Variants in SGCG observed in about 807,000 individuals in gnomAD.
SGCG encodes gamma-sarcoglycan.
A neutral mutation model predicts 29.3 loss-of-function variants in SGCG; 26 were observed. The observed-to-expected ratio is 0.89, with a 90% CI of 0.65 to 1.23. The LOEUF is 1.23. SGCG is among the 50% of genes most tolerant of loss of function. The probability of loss-of-function intolerance (pLI) is 0.00; values close to 1 mark genes in which losing one functional copy is unlikely to be tolerated. For missense variants in SGCG, 353 were observed against 356.0 expected (o/e 0.99, Z 0.07); for synonymous variants, 145 against 129.7 (o/e 1.12, Z -0.80).
At chr13:23,224,400 A>G (rs1025014281) in intron 2 of SGCG, among the ~76,000 whole-genome samples, 2 of 152,148 alleles carry the variant, frequency 1.3e-5, no homozygotes, top group Non-Finnish European at 2.9e-5. Flanking sequence ...ATGCCTCCAG[A>G]TGGGGATCTA....
chr13:23,220,282 T>A (rs1878606783), intron 2 of SGCG, among the ~76,000 whole-genome samples: 2 of 152,098 alleles, frequency 1.3e-5, no homozygotes, highest in Non-Finnish European at 2.9e-5. Flanking sequence ...GAGAAACCCG[T>A]CTCTACTAAA....
intron 2 of SGCG, among the ~76,000 whole-genome samples, chr13:23,208,403 C>T (rs1878062426): frequency 6.6e-6 from 1 of 151,912 alleles, no homozygotes; most frequent in South Asian, 2.1e-4. Flanking sequence ...TTCAAAAATG[C>T]CCAGATAACA....
At chr13:23,294,258 G>A (rs1366407592) in intron 5 of SGCG, among the ~76,000 whole-genome samples, 1 of 152,182 alleles carries the variant, frequency 6.6e-6, no homozygotes, top group Admixed American at 6.5e-5. Context: ...AAATCATGAT[G>A]CACATATATA....
In SGCG at chr13:23,320,666, T is replaced by C. The variant is rs1883002581; in HGVS notation, c.608T>C (p.Met203Thr). The change falls in exon 7 of 8, where the codon ATG (methionine) becomes ACG (threonine). Residue 203 changes from methionine to threonine, a missense_variant. Coordinates refer to ENST00000218867, the MANE Select transcript of SGCG (RefSeq NM_000231.3). ...GAATCCCCCACTCGGAGTCTAAGCATGGATGCCCCAAGGGGTGTGCATATT... is the reference window on the plus strand; with the variant it reads ...GAATCCCCCACTCGGAGTCTAAGCACGGATGCCCCAAGGGGTGTGCATATT... ...RLESPTRSLS[M>T]DAPRGVHIQA... The C allele has an allele frequency of 1.9e-6, 3 of 1,591,176 alleles. No homozygotes were observed. The highest frequency in any genetic ancestry group is 1.7e-6 in the Non-Finnish European group (2 of 1,167,084).
chr13:23,221,821 A>C (rs1878666773), intron 2 of SGCG, among the ~76,000 whole-genome samples: 1 of 152,210 alleles, frequency 6.6e-6, no homozygotes, highest in African/African-American at 2.4e-5. Context: ...AGTTCAACAA[A>C]GGACAGGGGA....
At chr13:23,243,027 T>C (rs938381282) in intron 3 of SGCG, among the ~76,000 whole-genome samples, 3 of 152,160 alleles carry the variant, frequency 2.0e-5, no homozygotes, top group African/African-American at 7.2e-5. Flanking sequence ...CTTAAAAATA[T>C]AGATTAAAGA....
chr13:23,243,343 G>A (rs1156741584), intron 3 of SGCG, among the ~76,000 whole-genome samples: 8 of 152,206 alleles, frequency 5.3e-5, no homozygotes, highest in Admixed American at 1.3e-4. Context: ...ACACACAGCC[G>A]GGAAATGTGC....
At chr13:23,303,271 C>T (rs1188123428) in intron 6 of SGCG, among the ~76,000 whole-genome samples, 1 of 152,172 alleles carries the variant, frequency 6.6e-6, no homozygotes, top group Non-Finnish European at 1.5e-5. Context: ...CCTGGCAGTT[C>T]AGGGCAACAG....
At chr13:23,169,768 C>A in the SGCG span, 1 of 151,256 alleles carries the variant, frequency 6.6e-6, no homozygotes, top group Non-Finnish European at 1.5e-5. Flanking sequence ...TAGATTATTG[C>A]ATTGGTTTGC....
chr13:23,166,008 T>C, the SGCG span, among the ~76,000 whole-genome samples: 1 of 152,222 alleles, frequency 6.6e-6, no homozygotes, highest in Non-Finnish European at 1.5e-5. Context: ...AGTTCTTCCT[T>C]TCTAATCTAT....
At chr13:23,262,141 G>A (rs901189700) in intron 4 of SGCG, among the ~76,000 whole-genome samples, 5 of 151,838 alleles carry the variant, frequency 3.3e-5, no homozygotes, top group African/African-American at 4.8e-5. Flanking sequence ...ATGATAACTC[G>A]AACAGTACCT....
intron 2 of SGCG, among the ~76,000 whole-genome samples, chr13:23,218,450 T>C (rs1849970605): frequency 6.6e-6 from 1 of 152,182 alleles, no homozygotes; most frequent in Non-Finnish European, 1.5e-5. Context: ...ATTTGTTCAC[T>C]TTTCTGAAGA....
intron 6 of SGCG, among the ~76,000 whole-genome samples, chr13:23,297,733 T>A (rs549402509): frequency 2.6e-5 from 4 of 152,116 alleles, no homozygotes; most frequent in Non-Finnish European, 5.9e-5. Flanking sequence ...TATGGCCAGT[T>A]TTGGGGCCAG....
At chr13:23,176,223 TA>T (rs923775080), upstream of SGCG, among the ~76,000 whole-genome samples, 5 of 152,006 alleles carry the variant, frequency 3.3e-5, no homozygotes, top group South Asian at 2.1e-4. Flanking sequence ...AATATCATTT[TA>T]AAAAAAACTA....
intron 2 of SGCG, among the ~76,000 whole-genome samples, chr13:23,210,514 A>T (rs1566000578): frequency 1.3e-5 from 2 of 152,052 alleles, no homozygotes; most frequent in Admixed American, 6.6e-5. Flanking sequence ...ACACAGTGAA[A>T]CCCTGTCTCT....
At chr13:23,291,434 A>T (rs1881701586) in intron 5 of SGCG, among the ~76,000 whole-genome samples, 1 of 152,214 alleles carries the variant, frequency 6.6e-6, no homozygotes, top group Non-Finnish European at 1.5e-5. Context: ...AATGCAATTA[A>T]ATTGAAGATC....
the SGCG span, among the ~76,000 whole-genome samples, chr13:23,174,647 G>A: frequency 6.6e-6 from 1 of 152,174 alleles, no homozygotes; most frequent in Non-Finnish European, 1.5e-5. Flanking sequence ...AAAGCTGTGT[G>A]GGAAAAGCCG....
At chr13:23,253,989 T>G (rs1285905679) in intron 4 of SGCG, among the ~76,000 whole-genome samples, 1 of 152,224 alleles carries the variant, frequency 6.6e-6, no homozygotes, top group Non-Finnish European at 1.5e-5. Context: ...CCTGCAGAAT[T>G]GTGAGCCAAT....
At chr13:23,278,923 A>G (rs896134005) in intron 4 of SGCG, among the ~76,000 whole-genome samples, 2 of 152,186 alleles carry the variant, frequency 1.3e-5, no homozygotes, top group African/African-American at 4.8e-5. Flanking sequence ...GTTTCAGGAT[A>G]TGATTTATCT....
Sources: allele counts gnomAD v4.1 joint callset (sites outside exome capture counted in the v4.1 genomes callset), GRCh38; gene constraint gnomAD v4.1.1; transcripts MANE v1.5; gene names NCBI Gene and HGNC (gene_info 2026-07-23, HGNC 2026-07-21).